CSMD1: variants seen among roughly 807,000 people sequenced by gnomAD.
The protein encoded by CSMD1 is CUB and sushi domain-containing protein 1.
In CSMD1, 213 loss-of-function variants were observed where a neutral mutation model predicts 417.5. That is an observed-to-expected ratio of 0.51 (90% CI 0.46 to 0.57). The LOEUF (loss-of-function observed/expected upper bound fraction) is 0.57. CSMD1 is among the 20% of genes least tolerant of loss of function. CSMD1 has a pLI of 0.00. For missense variants in CSMD1, 6,923 were observed against 4,529.7 expected (o/e 1.53, Z -15.17); for synonymous variants, 2,862 against 1,736.8 (o/e 1.65, Z -16.11).
chr8:3,079,852 T>C (rs1207745601), intron 49 of CSMD1, among the ~76,000 whole-genome samples: 2 of 152,096 alleles, frequency 1.3e-5, no homozygotes, highest in Non-Finnish European at 2.9e-5. Flanking sequence ...ACAGCATCTA[T>C]GACGATTGAA....
chr8:4,186,167 G>C (rs1051924925), intron 3 of CSMD1, among the ~76,000 whole-genome samples: 1 of 152,168 alleles, frequency 6.6e-6, no homozygotes, highest in Non-Finnish European at 1.5e-5. Flanking sequence ...ATGAGAAGCA[G>C]TCAAGGTGCC....
chr8:4,018,123 G>A (rs1441885606), intron 4 of CSMD1, among the ~76,000 whole-genome samples: 2 of 152,144 alleles, frequency 1.3e-5, no homozygotes, highest in South Asian at 2.1e-4. Context: ...ATCCTACAAA[G>A]TGTTTTGTGT....
intron 40 of CSMD1, among the ~76,000 whole-genome samples, chr8:3,144,484 A>G (rs1260880499): frequency 6.6e-6 from 1 of 152,102 alleles, no homozygotes; most frequent in Non-Finnish European, 1.5e-5. Flanking sequence ...CAAAATTTAG[A>G]ATTCTTTTTA....
At chr8:4,913,108 A>C (rs565672475) in intron 1 of CSMD1, among the ~76,000 whole-genome samples, 3 of 152,248 alleles carry the variant, frequency 2.0e-5, no homozygotes, top group African/African-American at 7.2e-5. Flanking sequence ...TGCTTTAAAA[A>C]AAATCGTGAG....
At chr8:3,313,778 T>C (rs577135963) in intron 23 of CSMD1, among the ~76,000 whole-genome samples, 27 of 152,206 alleles carry the variant, frequency 1.8e-4, no homozygotes, top group African/African-American at 5.3e-4. Context: ...GGGTATATAC[T>C]CAAAGGATTA....
At chr8:3,193,491 C>G (rs532929071) in intron 33 of CSMD1, among the ~76,000 whole-genome samples, 1 of 152,220 alleles carries the variant, frequency 6.6e-6, no homozygotes, top group Admixed American at 6.5e-5. Context: ...TCAGACAGTG[C>G]TGTGTAACTT....
chr8:3,891,836 T>C (rs986501756), intron 5 of CSMD1, among the ~76,000 whole-genome samples: 40 of 152,306 alleles, frequency 2.6e-4, no homozygotes, highest in East Asian at 3.9e-4. Context: ...TCATCTGTAA[T>C]GGTAATCCAT....
chr8:3,726,513 C>T (rs756448140), intron 6 of CSMD1, among the ~76,000 whole-genome samples: 3 of 152,206 alleles, frequency 2.0e-5, no homozygotes, highest in East Asian at 1.9e-4. Flanking sequence ...CAACTCTGAA[C>T]ACCTTTATTC....
intron 5 of CSMD1, among the ~76,000 whole-genome samples, chr8:3,957,720 A>G (rs1309826927): frequency 9.1e-5 from 4 of 43,946 alleles, no homozygotes. Context: ...AAGAGAAAAG[A>G]AAAAGGAAAA....
chr8:3,587,768 A>G (rs111989434), intron 8 of CSMD1, among the ~76,000 whole-genome samples: 149 of 152,274 alleles, frequency 9.8e-4, no homozygotes, highest in African/African-American at 3.4e-3. Flanking sequence ...GCAAAAGCTT[A>G]TTTTAGAAAA....
chr8:4,083,661 C>G (rs954831592), intron 3 of CSMD1, among the ~76,000 whole-genome samples: 11 of 152,050 alleles, frequency 7.2e-5, no homozygotes, highest in African/African-American at 2.7e-4. Context: ...AAACTGGATC[C>G]CTTCCTTACA....
chr8:3,801,106 C>T (rs368591504), intron 5 of CSMD1, among the ~76,000 whole-genome samples: 22 of 151,744 alleles, frequency 1.4e-4, no homozygotes, highest in African/African-American at 2.4e-4. Flanking sequence ...TTAAAGAAGA[C>T]GGAAAGGTTA....
intron 6 of CSMD1, among the ~76,000 whole-genome samples, chr8:3,729,922 TAAAAAAAAAAAAAAAAAAAAA>T (rs1160679199): frequency 4.2e-5 from 2 of 47,062 alleles, no homozygotes; most frequent in African/African-American, 2.7e-4. Context: ...CAATTCAAAG[TAAAAAAAAAAAAAAAAAAAAA>T]AAAAAAAAAA....
At chr8:3,118,358 A>G in intron 42 of CSMD1, 41 bp downstream of exon 42, 1 of 1,426,218 alleles carries the variant, frequency 7.0e-7, no homozygotes, top group Non-Finnish European at 9.8e-7. Flanking sequence ...TATTATGCCC[A>G]TGAAACATTA....
intron 63 of CSMD1, 115 bp from the exon 64 acceptor site, chr8:2,955,883 T>C (rs1420589066): frequency 1.5e-6 from 1 of 670,548 alleles, no homozygotes; most frequent in Admixed American, 3.0e-5. Context: ...AATATGTATA[T>C]ATACATATAT....
chr8:4,947,451 T>C (rs979608059), intron 1 of CSMD1, among the ~76,000 whole-genome samples: 10 of 152,146 alleles, frequency 6.6e-5, no homozygotes, highest in Non-Finnish European at 1.0e-4. Flanking sequence ...ATGTCAATAT[T>C]TGACTTGTCA....
Position 4,032,079 on chromosome 8 carries a change from C to T in CSMD1, c.436G>A (p.Gly146Arg). 1 of 1,612,160 alleles carries T rather than the reference C, an allele frequency of 6.2e-7. No individual in the cohort carries two copies. The highest frequency in any genetic ancestry group is 8.5e-7 in the Non-Finnish European group (1 of 1,178,818). ...LYEVLPSHTC[G>R]NPGEILKGVL... is the part of the protein sequence containing the mutation. ...CCTTTCAGGATTTCTCCAGGATTTCCACAAGTGTGGCTAGGTAAAACTATT... is the reference window on the plus strand; with the variant it reads ...CCTTTCAGGATTTCTCCAGGATTTCTACAAGTGTGGCTAGGTAAAACTATT... The change falls in exon 4 of 70, where the codon GGA (glycine) becomes AGA (arginine). Residue 146 changes from glycine (G) to arginine (R), a missense_variant. Coordinates refer to ENST00000635120, the MANE Select transcript of CSMD1 (RefSeq NM_033225.6).
chr8:3,520,530 G>C (rs755134396), intron 10 of CSMD1, among the ~76,000 whole-genome samples: 5 of 152,096 alleles, frequency 3.3e-5, no homozygotes, highest in Non-Finnish European at 5.9e-5. Flanking sequence ...TCATGTTTTA[G>C]CTTGGTTGTC....
At chr8:3,985,222 G>T (rs1483417969) in intron 5 of CSMD1, among the ~76,000 whole-genome samples, 1 of 152,122 alleles carries the variant, frequency 6.6e-6, no homozygotes, top group African/African-American at 2.4e-5. Context: ...GAGAAGCATT[G>T]ACGGGTTATA....
Sources: gnomAD v4.1 joint callset for allele counts (sites outside exome capture counted in the v4.1 genomes callset) on GRCh38, gnomAD v4.1.1 for gene constraint, MANE v1.5 for transcripts, NCBI Gene and HGNC (gene_info 2026-07-23, HGNC 2026-07-21) for gene names.